TLL1: variants seen among roughly 807,000 people sequenced by gnomAD.
The protein encoded by TLL1 is tolloid like 1, also known as tolloid-like protein 1.
A neutral mutation model predicts 128.2 loss-of-function variants in TLL1; 49 were observed. The ratio of observed to expected loss-of-function variants is 0.38; its 90% CI spans 0.30 to 0.48. The LOEUF (loss-of-function observed/expected upper bound fraction) is 0.48, where lower values mean the gene tolerates loss of function less well. TLL1 is among the 20% of genes least tolerant of loss of function. The pLI is 0.96. For missense variants in TLL1, 1,123 were observed against 1,242.0 expected, an observed-to-expected ratio of 0.90 and a Z score of 1.44; for synonymous variants, 454 against 418.8, an observed-to-expected ratio of 1.08 and a Z score of -1.03.
At chr4:165,976,981 G>A (rs550653467) in intron 1 of TLL1, among the ~76,000 whole-genome samples, 2 of 152,250 alleles carry the variant, frequency 1.3e-5, no homozygotes, top group African/African-American at 4.8e-5. Flanking sequence ...ACCCAAGACA[G>A]TTCTTCCAGT....
intron 8 of TLL1, among the ~76,000 whole-genome samples, chr4:166,017,777 C>T (rs1738021889): frequency 6.6e-6 from 1 of 152,022 alleles, no homozygotes; most frequent in African/African-American, 2.4e-5. Context: ...ACTTCTTTCT[C>T]TTTCTGAAAT....
chr4:166,030,974 AT>A (rs1362185576), intron 9 of TLL1: 2 of 969,210 alleles, frequency 2.1e-6, no homozygotes, highest in East Asian at 2.3e-4. Flanking sequence ...CATTTCAAAC[AT>A]TTTTAATGTA....
chr4:165,996,318 C>G (rs1405906906), intron 5 of TLL1, among the ~76,000 whole-genome samples: 2 of 152,066 alleles, frequency 1.3e-5, no homozygotes, highest in Non-Finnish European at 2.9e-5. Context: ...ATTTAAACAT[C>G]AACTAAGGAG....
At chr4:166,058,391 C>A (rs1299424385) in intron 14 of TLL1, among the ~76,000 whole-genome samples, 1 of 152,092 alleles carries the variant, frequency 6.6e-6, no homozygotes, top group Non-Finnish European at 1.5e-5. Flanking sequence ...TCTCTAATAT[C>A]TAGCACAGTC....
rs1270127368 is a variant in TLL1 at position 166,076,731 on chromosome 4, T to C, written c.2315-1172T>C. Among the ~76,000 whole-genome samples, 9 of 152,276 alleles carry C rather than the reference T, an allele frequency of 5.9e-5. 1 individual carries two copies. The highest frequency in any genetic ancestry group is 2.2e-4 in the African/African-American group (9 of 41,564). On this transcript the variant is annotated intron_variant, in intron 17 of 20. Transcript: ENST00000061240. ...GACAATGGAATTTAGAAAACCCTTGTCATGACTGGATCCAAACTTTTAAGG... is the reference window on the plus strand; with the variant it reads ...GACAATGGAATTTAGAAAACCCTTGCCATGACTGGATCCAAACTTTTAAGG...
At chr4:165,936,360 C>T (rs1733764482) in intron 1 of TLL1, among the ~76,000 whole-genome samples, 1 of 151,324 alleles carries the variant, frequency 6.6e-6, no homozygotes, top group South Asian at 2.1e-4. Context: ...GCTGGAATTA[C>T]AGGCATGCGC....
At chr4:165,892,074 C>A (rs988316299) in intron 1 of TLL1, among the ~76,000 whole-genome samples, 1 of 152,178 alleles carries the variant, frequency 6.6e-6, no homozygotes, top group Non-Finnish European at 1.5e-5. Context: ...CTTCAAATGG[C>A]GGCAGCACGG....
intron 1 of TLL1, among the ~76,000 whole-genome samples, chr4:165,965,999 C>T (rs1267126970): frequency 6.6e-6 from 1 of 151,792 alleles, no homozygotes; most frequent in African/African-American, 2.4e-5. Context: ...GCCAAGATGG[C>T]AAAACCCTGT....
At position 165,967,784 on chromosome 4, in the gene TLL1, T is replaced by C. The variant is rs115949209; in HGVS notation, c.170-21597T>C. Among the ~76,000 whole-genome samples the C allele has an allele frequency of 2.0e-5, 3 of 152,058 alleles. No individual in the cohort carries two copies. The South Asian group carries it at 6.2e-4, about 32-fold the overall frequency. On this transcript the variant is annotated intron_variant, in intron 1 of 20. Coordinates refer to ENST00000061240, the MANE Select transcript of TLL1 (RefSeq NM_012464.5). ...GGGCAGAGTCAGTGGAATTTGATGA[T>C]TCACACTGAATATTGGATAGAGAAA...
intron 1 of TLL1, among the ~76,000 whole-genome samples, chr4:165,923,130 T>C (rs1469483601): frequency 1.3e-5 from 2 of 152,156 alleles, no homozygotes; most frequent in Admixed American, 6.5e-5. Flanking sequence ...CAGGAACTTC[T>C]GCACATAAAT....
chr4:165,951,544 G>A (rs141175029), intron 1 of TLL1, among the ~76,000 whole-genome samples: 2,506 of 152,274 alleles, frequency 0.016, 32 homozygotes, highest in Non-Finnish European at 0.026. Context: ...GAAGGTCTAG[G>A]TGATCTTTCA....
intron 1 of TLL1, among the ~76,000 whole-genome samples, chr4:165,937,023 T>C (rs1420661853): frequency 3.9e-5 from 6 of 152,180 alleles, no homozygotes; most frequent in Non-Finnish European, 8.8e-5. Flanking sequence ...TAAATATCAT[T>C]ATCTTGAGTA....
At position 165,903,732 on chromosome 4, in the gene TLL1, A is replaced by AACAC. The variant is rs1561018121; in HGVS notation, c.169+29659_169+29660insACAC. Among the ~76,000 whole-genome samples the AACAC allele has an allele frequency of 3.8e-3, 401 of 104,718 alleles. 4 individuals are homozygous for AACAC. Among genetic ancestry groups the AACAC allele is most frequent in the African/African-American group, 0.012 (359 of 30,186 alleles). 68.7% of individuals were successfully genotyped at this position (104,718 alleles called of 152,430 possible). On this transcript the variant is annotated intron_variant, in intron 1 of 20. Transcript: ENST00000061240. ...AGCAGAGGTTAGATCTTAAGTTCTTATCACACACACACACACACACACACA... is the reference window on the plus strand; with the variant it reads ...AGCAGAGGTTAGATCTTAAGTTCTTAACACTCACACACACACACACACACACACA...
chr4:166,102,277 A>G lies in TLL1; in HGVS notation c.*1401A>G, dbSNP rs1289614757. ...TTTCCATGACTGAAGCATTGGATAT[A>G]AATATGGTGTCCTGCTTTTTTTGTA... On this transcript the variant is annotated 3_prime_UTR_variant, in exon 21 of 21. Transcript: ENST00000061240. 19 of 152,462 alleles carry G rather than the reference A, an allele frequency of 1.2e-4. No homozygotes were observed. The Admixed American group carries it at 1.2e-3, about 10-fold the overall frequency. 9.4% of individuals were successfully genotyped at this position (152,462 alleles called of 1,614,324 possible).
In TLL1 at chr4:165,874,081, G is replaced by A. The variant is rs761811235; in HGVS notation, c.169+8G>A. On this transcript the variant is annotated splice_region_variant and intron_variant, in intron 1 of 20. Transcript: ENST00000061240. ...AGGACCCGTGTAAAGCCGGTAAGTGGCTCTCCAGGTTGGGACGGTGGCGCG... is the reference window on the plus strand; with the variant it reads ...AGGACCCGTGTAAAGCCGGTAAGTGACTCTCCAGGTTGGGACGGTGGCGCG... 22 of 1,613,902 alleles carry A rather than the reference G, an allele frequency of 1.4e-5. No individual in the cohort carries two copies. Among genetic ancestry groups the A allele is most frequent in the Non-Finnish European group, 1.9e-5 (22 of 1,179,954 alleles).
At chr4:165,941,504 A>T (rs188709540) in intron 1 of TLL1, among the ~76,000 whole-genome samples, 61 of 152,216 alleles carry the variant, frequency 4.0e-4, no homozygotes, top group African/African-American at 1.5e-3. Flanking sequence ...AGAGAGGACA[A>T]GCTTGCTGAA....
intron 1 of TLL1, among the ~76,000 whole-genome samples, chr4:165,958,008 A>G (rs1017548317): frequency 6.0e-5 from 9 of 150,394 alleles, no homozygotes; most frequent in South Asian, 2.1e-4. Context: ...ATGATTTCCA[A>G]TTTCATCCAT....
intron 10 of TLL1, among the ~76,000 whole-genome samples, chr4:166,040,072 A>G (rs1279773540): frequency 6.6e-6 from 1 of 152,170 alleles, no homozygotes; most frequent in African/African-American, 2.4e-5. Flanking sequence ...TAGGCAGTTT[A>G]CTGTTGCCCT....
At chr4:165,962,732 G>A (rs536431755) in intron 1 of TLL1, among the ~76,000 whole-genome samples, 37 of 152,138 alleles carry the variant, frequency 2.4e-4, no homozygotes, top group Middle Eastern at 3.4e-3. Context: ...CAGTCATAAA[G>A]AAAAGAAAGA....
Sources: gnomAD v4.1 joint callset for allele counts (sites outside exome capture counted in the v4.1 genomes callset) on GRCh38, gnomAD v4.1.1 for gene constraint, MANE v1.5 for transcripts, NCBI Gene and HGNC (gene_info 2026-07-23, HGNC 2026-07-21) for gene names.